Variants in CFLAR observed in about 807,000 individuals in gnomAD.
CFLAR encodes CASP8 and FADD like apoptosis regulator.
A neutral mutation model predicts 51.1 loss-of-function variants in CFLAR; 14 were observed. The ratio of observed to expected loss-of-function variants is 0.27; its 90% CI spans 0.18 to 0.43. CFLAR has a LOEUF of 0.43. Ranked by LOEUF, CFLAR falls within the 20% of genes least tolerant of loss-of-function variation. The probability of loss-of-function intolerance (pLI) is 1.00; values close to 1 mark genes in which losing one functional copy is unlikely to be tolerated. For missense variants in CFLAR, 390 were observed against 566.5 expected (o/e 0.69, Z 3.16); for synonymous variants, 210 against 211.6 (o/e 0.99, Z 0.06).
At chr2:201,154,812 G>A (rs898922919) in intron 8 of CFLAR, among the ~76,000 whole-genome samples, 2 of 152,258 alleles carry the variant, frequency 1.3e-5, no homozygotes, top group Non-Finnish European at 2.9e-5. Context: ...GTAAATGTTC[G>A]TTGAGGGCCT....
At chr2:201,129,641 A>AC in intron 1 of CFLAR, 88 bp from the exon 2 acceptor site, 1 of 524,534 alleles carries the variant, frequency 1.9e-6, no homozygotes, top group Non-Finnish European at 3.4e-6. Context: ...AGTCAGGGAG[A>AC]CCACCCAGAA....
intron 6 of CFLAR, chr2:201,148,376 ATC>A (rs1327350224): frequency 1.3e-5 from 2 of 152,008 alleles, no homozygotes; most frequent in Non-Finnish European, 2.9e-5. Flanking sequence ...CAGTGGCACA[ATC>A]TCTGCTCAAA....
Position 201,136,106 on chromosome 2 carries a change from T to G in CFLAR, c.522T>G (p.Ser174=), listed in dbSNP as rs2050070819. The G allele has an allele frequency of 1.2e-6, 2 of 1,613,866 alleles. No individual in the cohort carries two copies. Among genetic ancestry groups the G allele is most frequent in the Non-Finnish European group, 1.7e-6 (2 of 1,179,956 alleles). Residue 174 remains serine, a splice_region_variant and synonymous_variant, in exon 4 of 10, where the codon TCT becomes TCG. Transcript: ENST00000309955. ...LKTKIQKYKQ[S]VQGAGTSYRN... is the part of the protein sequence containing the mutation. The stretch of plus-strand genomic sequence containing the variant: ...CAAAAATCCAGAAGTACAAGCAGTC[T>G]GGTAAGAATTTTGGCCTCTCAGTGG...
intron 1 of CFLAR, among the ~76,000 whole-genome samples, chr2:201,123,235 T>C (rs140710958): frequency 1.3e-5 from 2 of 152,350 alleles, no homozygotes; most frequent in East Asian, 1.9e-4. Context: ...AAGGAAGTTA[T>C]TGGCGATAAT....
At chr2:201,156,079 G>A (rs989834911) in intron 8 of CFLAR, among the ~76,000 whole-genome samples, 1 of 152,288 alleles carries the variant, frequency 6.6e-6, no homozygotes, top group Non-Finnish European at 1.5e-5. Context: ...GTATTTATAA[G>A]CTTTGCTTCC....
chr2:201,130,511 G>A (rs757188268), intron 2 of CFLAR, among the ~76,000 whole-genome samples: 1 of 151,708 alleles, frequency 6.6e-6, no homozygotes, highest in Non-Finnish European at 1.5e-5. Flanking sequence ...ACAGGCGTGC[G>A]CCACCATGCC....
At chr2:201,155,294 G>A (rs1362822731) in intron 8 of CFLAR, among the ~76,000 whole-genome samples, 2 of 150,476 alleles carry the variant, frequency 1.3e-5, no homozygotes, top group African/African-American at 4.9e-5. Context: ...ACAGAGTCTC[G>A]CTCTGTCACC....
Position 201,160,941 on chromosome 2 carries a change from A to C in CFLAR, c.1303A>C (p.Arg435=). ...CCTCTCCCAGAAACTGAGACAAGAAAGGTGAGCCCCCAGGAGGTGGTCAGT... is the reference window on the plus strand; with the variant it reads ...CCTCTCCCAGAAACTGAGACAAGAACGGTGAGCCCCCAGGAGGTGGTCAGT... The part of the protein sequence containing the change: ...QCLSQKLRQE[R]KRPLLDLHIE... Residue 435 remains arginine (R), a splice_region_variant and synonymous_variant, in exon 9 of 10, where the codon AGA becomes CGA. Transcript: ENST00000309955. The C allele has an allele frequency of 1.9e-6, 3 of 1,610,446 alleles. No homozygotes were observed. Among genetic ancestry groups the C allele is most frequent in the Non-Finnish European group, 2.5e-6 (3 of 1,177,050 alleles).
In CFLAR at chr2:201,172,369, G is replaced by A. The variant is rs1339209955; in HGVS notation, c.*8396G>A. The A allele has an allele frequency of 3.3e-5, 5 of 152,120 alleles. No individual in the cohort carries two copies. The allele number at this position is 152,120 out of a possible 1,614,324, so 9.4% of individuals were successfully genotyped here. A position where few individuals can be genotyped will look rare whatever the true frequency, so the allele number is the denominator to read the frequency against. On this transcript the variant is annotated 3_prime_UTR_variant, in exon 10 of 10. Transcript: ENST00000309955. ...ATATTGGAAGTGTAAGTAGTTTGTG[G>A]CATGGGATTGTGACATATCCTAGGT...
At chr2:201,157,030 A>G (rs551581266) in intron 8 of CFLAR, among the ~76,000 whole-genome samples, 3 of 152,330 alleles carry the variant, frequency 2.0e-5, no homozygotes, top group South Asian at 2.1e-4. Context: ...GATGTGCAAC[A>G]CCATAAGGTT....
rs1359701498 is a variant in CFLAR at position 201,138,051 on chromosome 2, A to C, written c.523+1944A>C. The C allele has an allele frequency of 1.2e-5, 9 of 724,080 alleles. No individual in the cohort carries two copies. The highest frequency in any genetic ancestry group is 2.0e-5 in the Non-Finnish European group (8 of 390,384). The allele number at this position is 724,080 out of a possible 1,614,324, so 44.9% of individuals were successfully genotyped here. ...AGTGCCCTGGGGCTGACTGCAGGCT[A>C]TCACTTCCTGGTTGATGTAGATGGA... On this transcript the variant is annotated intron_variant, in intron 4 of 9. Transcript: ENST00000309955. This position sits in a 1 kb window ranked among gnomAD's most constrained non-coding sequence, Gnocchi z 4.0.
Position 201,138,722 on chromosome 2 carries a change from C to G in CFLAR, c.524-1635C>G. On this transcript the variant is annotated intron_variant, in intron 4 of 9. Transcript: ENST00000309955. The surrounding 1 kb of genome is among the most constrained non-coding windows in gnomAD (Gnocchi z 4.0). ...GCACCACGGGGTGTGTGATAAAGCC[C>G]GGTTCAAACTTCTTGACCTTCTGCA... 1.3e-6 allele frequency: 1 copy of G among 795,340 alleles called. No individual in the cohort carries two copies. The highest frequency in any genetic ancestry group is 2.3e-6 in the Non-Finnish European group (1 of 444,024). The allele number at this position is 795,340 out of a possible 1,614,324, so 49.3% of individuals were successfully genotyped here. A position where few individuals can be genotyped will look rare whatever the true frequency, so the allele number is the denominator to read the frequency against.
rs1384328971 is a variant in CFLAR at position 201,118,744 on chromosome 2, C to A, written c.-138+2263C>A. 1.3e-5 allele frequency: 2 copies of A among 152,436 alleles called. No individual in the cohort carries two copies. Among genetic ancestry groups the A allele is most frequent in the Non-Finnish European group, 2.9e-5 (2 of 68,198 alleles). The allele number at this position is 152,436 out of a possible 1,614,324, so 9.4% of individuals were successfully genotyped here. A position where few individuals can be genotyped will look rare whatever the true frequency, so the allele number is the denominator to read the frequency against. ...GGTTCTCGGACGCCCTCCGGCGAAG[C>A]CACCTGTTGATGCTTTTGACTTTCT... On this transcript the variant is annotated intron_variant, in intron 1 of 9. Transcript: ENST00000309955. This position sits in a 1 kb window ranked among gnomAD's most constrained non-coding sequence, Gnocchi z 5.1.
Position 201,148,980 on chromosome 2 carries a change from G to T in CFLAR, c.662-23G>T, listed in dbSNP as rs754288857. The T allele has an allele frequency of 4.4e-6, 7 of 1,595,920 alleles. No individual in the cohort carries two copies. In the Admixed American group the frequency reaches 1.0e-4, roughly 23 times the overall value. On this transcript the variant is annotated intron_variant, in intron 6 of 9. Coordinates refer to ENST00000309955, the MANE Select transcript of CFLAR (RefSeq NM_003879.7). ...TTAGCTCTCCTTCAGCTTTGTAAAT[G>T]GTTTCTCTCTCTCATCCCCCAGAAG...
intron 4 of CFLAR, 61 bp from the exon 5 acceptor site, chr2:201,140,296 G>C: frequency 1.3e-6 from 2 of 1,579,728 alleles, no homozygotes; most frequent in South Asian, 2.3e-5. Flanking sequence ...AACCACTATT[G>C]AAGATTTATT....
At chr2:201,128,589 G>A (rs1214455419) in intron 1 of CFLAR, among the ~76,000 whole-genome samples, 1 of 152,142 alleles carries the variant, frequency 6.6e-6, no homozygotes, top group East Asian at 1.9e-4. Flanking sequence ...GATACTGTAT[G>A]TATATAAATA....
chr2:201,127,855 G>A (rs966843845), intron 1 of CFLAR, among the ~76,000 whole-genome samples: 10 of 152,312 alleles, frequency 6.6e-5, no homozygotes, highest in Admixed American at 4.6e-4. Context: ...CTGAGTGTGC[G>A]TGACTGGCAG....
chr2:201,144,948 G>A lies in CFLAR; in HGVS notation c.607-430G>A, dbSNP rs558766670. Among the ~76,000 whole-genome samples the A allele has an allele frequency of 4.3e-3, 655 of 152,200 alleles. 11 individuals are homozygous for A. Among genetic ancestry groups the A allele is most frequent in the African/African-American group, 0.015 (625 of 41,520 alleles). On this transcript the variant is annotated intron_variant, in intron 5 of 9. Coordinates refer to ENST00000309955, the MANE Select transcript of CFLAR (RefSeq NM_003879.7). Reference sequence around the variant, plus strand: ...GCTCACTGCAACCTCTGCCTCTCAGGTTCAAGCAATTCTCCTGCCTCAGCC... The same window carrying A: ...GCTCACTGCAACCTCTGCCTCTCAGATTCAAGCAATTCTCCTGCCTCAGCC...
intron 9 of CFLAR, among the ~76,000 whole-genome samples, 159 bp downstream of exon 9, chr2:201,161,101 C>T (rs890869501): frequency 6.6e-6 from 1 of 152,158 alleles, no homozygotes; most frequent in African/African-American, 2.4e-5. Context: ...AGTATAGACC[C>T]GGCATGATTT....
Sources: allele counts gnomAD v4.1 joint callset (sites outside exome capture counted in the v4.1 genomes callset), GRCh38; gene constraint gnomAD v4.1.1; non-coding constraint Gnocchi (gnomAD v3.1); transcripts MANE v1.5; gene names NCBI Gene and HGNC (gene_info 2026-07-23, HGNC 2026-07-21).